Variants in NCOR1 observed in about 807,000 individuals in gnomAD.
The protein encoded by NCOR1 is nuclear receptor corepressor 1.
NCOR1 carries 63 observed loss-of-function variants against 288.1 expected under a neutral mutation model. That is an observed-to-expected ratio of 0.22 (90% CI 0.18 to 0.27). NCOR1 has a LOEUF of 0.27. Ranked by LOEUF, NCOR1 falls within the 10% of genes least tolerant of loss-of-function variation. The pLI, the probability that NCOR1 is intolerant of heterozygous loss-of-function variation, is 1.00. For synonymous variants in NCOR1, 1,007 were observed against 1,065.9 expected (o/e 0.94, Z 1.08); for missense variants, 2,397 against 3,019.2 (o/e 0.79, Z 4.83).
At chr17:16,072,603 A>T (rs1385974781) in intron 28 of NCOR1, among the ~76,000 whole-genome samples, 2 of 152,240 alleles carry the variant, frequency 1.3e-5, no homozygotes, top group Non-Finnish European at 2.9e-5. Context: ...CCATAAAAAT[A>T]GGGAAAATGT....
intron 40 of NCOR1, among the ~76,000 whole-genome samples, chr17:16,051,944 C>T (rs773912993): frequency 1.1e-4 from 17 of 151,952 alleles, no homozygotes; most frequent in East Asian, 1.9e-4. Context: ...ATAAACAAAA[C>T]GGAAGCTGAA....
chr17:16,103,316 A>G (rs887601767), intron 19 of NCOR1, among the ~76,000 whole-genome samples: 1 of 152,158 alleles, frequency 6.6e-6, no homozygotes, highest in Non-Finnish European at 1.5e-5. Context: ...GAATCTATCC[A>G]ATCCTGTTCA....
chr17:16,116,954 C>CATAA (rs1308471163), intron 18 of NCOR1, among the ~76,000 whole-genome samples: 1 of 152,050 alleles, frequency 6.6e-6, no homozygotes, highest in Non-Finnish European at 1.5e-5. Context: ...GCTTTGACAC[C>CATAA]ATAAATGCAA....
At chr17:16,094,296 TTAAAC>T (rs2065937338) in intron 21 of NCOR1, among the ~76,000 whole-genome samples, 1 of 152,186 alleles carries the variant, frequency 6.6e-6, no homozygotes, top group African/African-American at 2.4e-5. Context: ...GAACATTATC[TTAAAC>T]TAATCACTCA....
At chr17:16,177,315 T>C (rs960620580) in intron 3 of NCOR1, among the ~76,000 whole-genome samples, 23 of 151,514 alleles carry the variant, frequency 1.5e-4, no homozygotes, top group African/African-American at 5.6e-4. Context: ...AGTTCTTTTA[T>C]AGTGCATAGC....
chr17:16,194,288 T>TAAG (rs35644251), intron 2 of NCOR1, among the ~76,000 whole-genome samples, 174 bp downstream of exon 2: 87,277 of 151,520 alleles, frequency 0.58, 25,682 homozygotes, highest in African/African-American at 0.66. Flanking sequence ...AAAGCCACAG[T>TAAG]AAGACAGAAA....
intron 17 of NCOR1, 107 bp from the exon 18 acceptor site, chr17:16,118,134 G>C (rs2072101606): frequency 8.8e-7 from 1 of 1,132,910 alleles, no homozygotes; most frequent in East Asian, 2.5e-5. Flanking sequence ...ATTGACACTA[G>C]AAGTGTGCTT....
Position 16,174,065 on chromosome 17 carries a change from T to C in NCOR1, c.243-2070A>G, listed in dbSNP as rs371973481. 5.3e-5 allele frequency among the ~76,000 whole-genome samples: 8 copies of C among 152,250 alleles called. No homozygotes were observed. The South Asian group carries it at 1.7e-3, about 32-fold the overall frequency. ...TCGAAGAAATAAAAGACTTAATACATAGTAAGAAATCTCAAATTCATATGT... is the reference window on the plus strand; with the variant it reads ...TCGAAGAAATAAAAGACTTAATACACAGTAAGAAATCTCAAATTCATATGT... On this transcript the variant is annotated intron_variant, in intron 3 of 45. Coordinates refer to ENST00000268712, the MANE Select transcript of NCOR1 (RefSeq NM_006311.4).
At chr17:16,166,754 T>C (rs911190704) in intron 4 of NCOR1, among the ~76,000 whole-genome samples, 10 of 151,924 alleles carry the variant, frequency 6.6e-5, no homozygotes, top group African/African-American at 2.4e-4. Flanking sequence ...CTCCCTCCTT[T>C]ATCAACATTA....
chr17:16,205,645 A>AG (rs1347835489), intron 1 of NCOR1, among the ~76,000 whole-genome samples: 82 of 145,608 alleles, frequency 5.6e-4, no homozygotes, highest in African/African-American at 2.0e-3. Context: ...GAAAAGAAGA[A>AG]AAAAAAAAAA....
intron 22 of NCOR1, among the ~76,000 whole-genome samples, chr17:16,089,586 G>C (rs1174494907): frequency 6.6e-6 from 1 of 152,070 alleles, no homozygotes; most frequent in Non-Finnish European, 1.5e-5. Context: ...CCTGTTACTT[G>C]CTAAAAGAGA....
At chr17:16,110,621 T>G (rs942275998) in intron 18 of NCOR1, among the ~76,000 whole-genome samples, 9 of 152,354 alleles carry the variant, frequency 5.9e-5, no homozygotes, top group Admixed American at 1.3e-4. Flanking sequence ...GATGGTCCTC[T>G]GTCTTGTGCC....
chr17:16,171,484 G>C (rs961099969), intron 4 of NCOR1, among the ~76,000 whole-genome samples: 2 of 152,106 alleles, frequency 1.3e-5, no homozygotes, highest in African/African-American at 4.8e-5. Context: ...AAAACTAGTA[G>C]TCTTGAGTAC....
chr17:16,176,292 A>G (rs1421460455), intron 3 of NCOR1, among the ~76,000 whole-genome samples: 1 of 152,172 alleles, frequency 6.6e-6, no homozygotes, highest in Admixed American at 6.5e-5. Flanking sequence ...TGTTTGAAAC[A>G]GAGTGTCACT....
At chr17:16,183,246 G>GAAAAAAAAAAAAAA (rs1343137850) in intron 3 of NCOR1, among the ~76,000 whole-genome samples, 1 of 110,656 alleles carries the variant, frequency 9.0e-6, no homozygotes, top group Admixed American at 8.8e-5. Flanking sequence ...AAAAAAAAAA[G>GAAAAAAAAAAAAAA]AAAAGAAAAA....
Position 16,072,222 on chromosome 17 carries a change from A to G in NCOR1, c.3818T>C (p.Ile1273Thr). 6.2e-7 allele frequency: 1 copy of G among 1,610,064 alleles called. No homozygotes were observed. Among genetic ancestry groups the G allele is most frequent in the African/African-American group, 1.3e-5 (1 of 74,954 alleles). Residue 1273 changes from isoleucine (I) to threonine (T), a missense_variant, in exon 29 of 46, where the codon ATA (isoleucine) becomes ACA (threonine). Ile to Thr is a moderately conservative substitution (Grantham distance 89). Around this residue, in one of 11 missense-constraint regions of NCOR1, gnomAD observed 1,872 missense variants for 2,187.8 expected, o/e 0.86. Coordinates refer to ENST00000268712, the MANE Select transcript of NCOR1 (RefSeq NM_006311.4). ...ACTCCCCCTGGGTAATGCTCGGCAT[A>G]TCAGCCCTTCCAAAACAAGAAAGCA... Reference protein sequence around the residue: ...SPVSAPLEGLICRALPRGSPH... With the variant: ...SPVSAPLEGLTCRALPRGSPH...
rs1280569238 is a variant in NCOR1 at position 16,171,908 on chromosome 17, A to C, written c.330T>G (p.Arg110=). Residue 110 remains arginine (R), a synonymous_variant, in exon 4 of 46, where the codon CGT becomes CGG. Transcript: ENST00000268712. Reference sequence around the variant, plus strand: ...AATGAGAATCAGAAACCTGTTCCAGACGTGGTCGCTTCGATTCCAGTGAAT... The same window carrying C: ...AATGAGAATCAGAAACCTGTTCCAGCCGTGGTCGCTTCGATTCCAGTGAAT... ...DHDSLESKRP[R]LEQVSDSHFQ... 1.2e-6 allele frequency: 2 copies of C among 1,613,442 alleles called. No individual in the cohort carries two copies. The highest frequency in any genetic ancestry group is 2.2e-5 in the South Asian group (2 of 90,968).
chr17:16,045,650 A>T (rs1368315854), intron 42 of NCOR1, among the ~76,000 whole-genome samples: 2 of 152,032 alleles, frequency 1.3e-5, no homozygotes, highest in Non-Finnish European at 2.9e-5. Flanking sequence ...CTGGGATTAC[A>T]GGTGCACGCC....
At chr17:16,134,244 C>T (rs1399133919) in intron 14 of NCOR1, among the ~76,000 whole-genome samples, 1 of 152,144 alleles carries the variant, frequency 6.6e-6, no homozygotes, top group African/African-American at 2.4e-5. Flanking sequence ...AATTAAGAAA[C>T]AATGGTAAAT....
Sources: gnomAD v4.1 joint callset for allele counts (sites outside exome capture counted in the v4.1 genomes callset) on GRCh38, gnomAD v4.1.1 for gene constraint, gnomAD v4.1.1 regional missense constraint, MANE v1.5 for transcripts, NCBI Gene and HGNC (gene_info 2026-07-23, HGNC 2026-07-21) for gene names.